The following DNAH5 variants were observed in gnomAD, a reference collection of about 807,000 sequenced individuals.
DNAH5 encodes dynein axonemal heavy chain 5, also known as axonemal beta dynein heavy chain 5.
Under a neutral mutation model 518.2 loss-of-function variants are expected in DNAH5, and 372 were observed. That is an observed-to-expected ratio of 0.72 (90% CI 0.66 to 0.78). The LOEUF (loss-of-function observed/expected upper bound fraction) is 0.78. DNAH5 is among the 30% of genes least tolerant of loss of function. The pLI is 0.00. For synonymous variants in DNAH5, 2,039 were observed against 2,025.9 expected, an observed-to-expected ratio of 1.01 and a Z score of -0.17; for missense variants, 5,523 against 5,687.0, an observed-to-expected ratio of 0.97 and a Z score of 0.93.
chr5:13,930,984 G>T, intron 2 of DNAH5, 126 bp downstream of exon 2: 1 of 1,404,592 alleles, frequency 7.1e-7, no homozygotes, highest in Non-Finnish European at 1.0e-6. Context: ...AGTCAGAATG[G>T]AGCCCTGTCC....
rs569428035 is a variant in DNAH5, at chr5:13,864,406, C to T, written c.4587G>A (p.Glu1529=). The T allele has an allele frequency of 2.5e-5, 40 of 1,613,940 alleles. No homozygotes were observed. The African/African-American group carries it at 5.2e-4, about 21-fold the overall frequency. ...TCACATCATACTCTACCTCTATTTCCTCTTTATATTTCAGAAGAGGTGCCT... is the reference window on the plus strand; with the variant it reads ...TCACATCATACTCTACCTCTATTTCTTCTTTATATTTCAGAAGAGGTGCCT... The part of the protein sequence containing the change: ...IMEAPLLKYK[E]EIEDICISAV... The change falls in exon 28 of 79, where the codon GAG becomes GAA. Residue 1529 remains glutamate (E), a synonymous_variant. Transcript: ENST00000265104.
Position 13,701,359 on chromosome 5 carries a change from A to C in DNAH5, c.13416T>G (p.Val4472=), listed in dbSNP as rs1350299720. 1.2e-6 allele frequency: 2 copies of C among 1,614,028 alleles called. No individual in the cohort carries two copies. The highest frequency in any genetic ancestry group is 4.5e-5 in the East Asian group (2 of 44,890). The change falls in exon 77 of 79, where the codon GTT becomes GTG. Residue 4472 remains valine (V), a synonymous_variant. Coordinates refer to ENST00000265104, the MANE Select transcript of DNAH5 (RefSeq NM_001369.3). The part of the protein sequence containing the change: ...IERNSQFTSW[V]FNGRPHCFWM... ...AAAAGCAGTGAGGTCGGCCATTGAA[A>C]ACCCACGAGGTAAACTGGCTGTTTC...
At chr5:13,871,353 T>C (rs1037600799) in intron 23 of DNAH5, among the ~76,000 whole-genome samples, 3 of 152,206 alleles carry the variant, frequency 2.0e-5, no homozygotes, top group Non-Finnish European at 4.4e-5. Flanking sequence ...TAGTCTTTTT[T>C]TCAAGGTTTA....
upstream of DNAH5, among the ~76,000 whole-genome samples, chr5:13,945,074 A>C (rs1482749794): frequency 1.3e-5 from 2 of 152,236 alleles, no homozygotes; most frequent in Non-Finnish European, 2.9e-5. Context: ...AAAGAACAAG[A>C]AGTCTGTTTC....
chr5:13,776,544 G>A lies in DNAH5; in HGVS notation c.9268C>T (p.Pro3090Ser). ...QNLHIVLCFS[P>S]VGEKFRNRAL... is the part of the protein sequence containing the mutation. ...CTGTTTCGAAATTTCTCCCCCACTGGCGAGAAGCAGAGCACAATATGAAGG... is the reference window on the plus strand; with the variant it reads ...CTGTTTCGAAATTTCTCCCCCACTGACGAGAAGCAGAGCACAATATGAAGG... Residue 3090 changes from proline (P) to serine (S), a missense_variant, in exon 55 of 79, where the codon CCA becomes TCA. By Grantham distance (74) the Pro-to-Ser change is moderately conservative (BLOSUM62 -1). This residue lies in a region of DNAH5 where 5,121 missense variants were observed against 5,223.3 expected (regional missense o/e 0.98). Coordinates refer to ENST00000265104, the MANE Select transcript of DNAH5 (RefSeq NM_001369.3). 1 of 1,613,894 alleles carries A rather than the reference G, an allele frequency of 6.2e-7. No individual in the cohort carries two copies. Among genetic ancestry groups the A allele is most frequent in the South Asian group, 1.1e-5 (1 of 91,080 alleles).
chr5:13,843,056 A>G (rs576385386), intron 32 of DNAH5, among the ~76,000 whole-genome samples: 1 of 152,334 alleles, frequency 6.6e-6, no homozygotes, highest in African/African-American at 2.4e-5. Flanking sequence ...AAACATCAGA[A>G]AGAATTTTCT....
chr5:13,984,688 T>G (rs1240858887), intron 1 of DNAH5, among the ~76,000 whole-genome samples: 2 of 152,226 alleles, frequency 1.3e-5, no homozygotes, highest in Non-Finnish European at 2.9e-5. Context: ...CTCTTATTAT[T>G]TTTAGATATG....
At position 13,891,071 on chromosome 5, in the gene DNAH5, T is replaced by C; in HGVS notation, c.2482A>G (p.Ile828Val). Residue 828 changes from isoleucine (I) to valine (V), a missense_variant, in exon 17 of 79, where the codon ATT becomes GTT. Ile to Val is a conservative substitution (Grantham distance 29). Around this residue, in one of 3 missense-constraint regions of DNAH5, gnomAD observed 5,121 missense variants for 5,223.3 expected, o/e 0.98. Coordinates refer to ENST00000265104, the MANE Select transcript of DNAH5 (RefSeq NM_001369.3). The part of the protein sequence containing the change: ...DRVNDLIEFR[I>V]DAILEEMSST... Reference sequence around the variant, plus strand: ...CTCATTTCTTCTAGAATGGCATCAATGCGGAACTCAATCAAATCATTGACC... The same window carrying C: ...CTCATTTCTTCTAGAATGGCATCAACGCGGAACTCAATCAAATCATTGACC... The C allele has an allele frequency of 6.2e-7, 1 of 1,614,150 alleles. No homozygotes were observed. The highest frequency in any genetic ancestry group is 1.1e-5 in the South Asian group (1 of 91,090).
chr5:13,737,318 G>T lies in DNAH5; in HGVS notation c.11389C>A (p.Gln3797Lys), dbSNP rs1467939954. The change falls in exon 66 of 79, where the codon CAG becomes AAG. Residue 3797 changes from glutamine (Q) to lysine (K), a missense_variant. Around this residue, in one of 3 missense-constraint regions of DNAH5, gnomAD observed 5,121 missense variants for 5,223.3 expected, o/e 0.98. Transcript: ENST00000265104. ...GTCTCAGCAGAAATTTCTAGCTTCT[G>T]TGTCACCTCCTCGGCTGTCCTTTTT... ...NTKRTAEEVT[Q>K]KLEISAETEV... 4 of 1,613,938 alleles carry T rather than the reference G, an allele frequency of 2.5e-6. No individual in the cohort carries two copies. Among genetic ancestry groups the T allele is most frequent in the Non-Finnish European group, 3.4e-6 (4 of 1,179,994 alleles).
intron 35 of DNAH5, among the ~76,000 whole-genome samples, chr5:13,838,844 A>T (rs1399921159): frequency 6.6e-6 from 1 of 152,138 alleles, no homozygotes; most frequent in African/African-American, 2.4e-5. Context: ...GAGGGGACTG[A>T]ATCTAGGGAG....
chr5:13,829,855 A>T (rs1261980557), intron 37 of DNAH5, 151 bp from the exon 38 acceptor site: 1 of 1,101,352 alleles, frequency 9.1e-7, no homozygotes, highest in African/African-American at 1.6e-5. Flanking sequence ...TGGACAGGCT[A>T]AGTCATGAGC....
intron 1 of DNAH5, among the ~76,000 whole-genome samples, chr5:13,965,808 T>C (rs913860645): frequency 6.6e-6 from 1 of 152,194 alleles, no homozygotes; most frequent in Admixed American, 6.5e-5. Flanking sequence ...TATTATTTTA[T>C]TTTTTATTTC....
chr5:13,794,126 AAAC>A, intron 47 of DNAH5, 68 bp from the exon 48 acceptor site: 4 of 1,599,118 alleles, frequency 2.5e-6, no homozygotes, highest in Non-Finnish European at 3.4e-6. Context: ...TTATTTTAAA[AAAC>A]AACAAAAACT....
At chr5:13,853,036 C>G (rs1463436587) in intron 30 of DNAH5, among the ~76,000 whole-genome samples, 1 of 152,242 alleles carries the variant, frequency 6.6e-6, no homozygotes, top group Admixed American at 6.5e-5. Flanking sequence ...GACAGACTGC[C>G]TCCTCAAGTG....
intron 70 of DNAH5, among the ~76,000 whole-genome samples, chr5:13,725,936 G>A (rs948626406): frequency 3.3e-4 from 50 of 152,328 alleles, no homozygotes; most frequent in African/African-American, 1.0e-3. Context: ...ACAGGTGTGA[G>A]CCACCGCGCC....
chr5:13,911,045 T>A (rs1420604027), intron 12 of DNAH5, among the ~76,000 whole-genome samples: 1 of 152,212 alleles, frequency 6.6e-6, no homozygotes, highest in Admixed American at 6.5e-5. Flanking sequence ...CCTCTGGTCA[T>A]AATCATTGCT....
intron 1 of DNAH5, among the ~76,000 whole-genome samples, chr5:13,985,701 C>G (rs1214016574): frequency 6.6e-6 from 1 of 152,112 alleles, no homozygotes; most frequent in Non-Finnish European, 1.5e-5. Context: ...ACTGCCCCAA[C>G]AGAGAACTCA....
chr5:13,824,185 T>C lies in DNAH5; in HGVS notation c.6579+14A>G. The stretch of plus-strand genomic sequence containing the variant: ...TATCCAAGTAGGTGGAACACTTCCA[T>C]CTGTGAGTCTTACCAGTTTAGAAAG... On this transcript the variant is annotated intron_variant, in intron 39 of 78. Coordinates refer to ENST00000265104, the MANE Select transcript of DNAH5 (RefSeq NM_001369.3). The C allele has an allele frequency of 1.2e-6, 2 of 1,613,110 alleles. No homozygotes were observed. Among genetic ancestry groups the C allele is most frequent in the Non-Finnish European group, 1.7e-6 (2 of 1,179,194 alleles).
chr5:13,911,847 A>G (rs1280783676), intron 11 of DNAH5, among the ~76,000 whole-genome samples: 1 of 152,236 alleles, frequency 6.6e-6, no homozygotes, highest in Admixed American at 6.5e-5. Flanking sequence ...TTACTAAAAT[A>G]TTCTGTGTTG....
Sources: allele counts gnomAD v4.1 joint callset (sites outside exome capture counted in the v4.1 genomes callset), GRCh38; gene constraint gnomAD v4.1.1; regional missense constraint gnomAD v4.1.1; transcripts MANE v1.5; gene names NCBI Gene and HGNC (gene_info 2026-07-23, HGNC 2026-07-21).